DIP2C: variants seen among roughly 807,000 people sequenced by gnomAD.
DIP2C encodes disco-interacting protein 2 homolog C.
DIP2C carries 33 observed loss-of-function variants against 192.4 expected under a neutral mutation model. That is an observed-to-expected ratio of 0.17 (90% CI 0.13 to 0.23). The LOEUF (loss-of-function observed/expected upper bound fraction) is 0.23, where lower values mean the gene tolerates loss of function less well. Among genes scored for constraint, DIP2C ranks in the 10% least tolerant of loss-of-function variants. The probability of loss-of-function intolerance (pLI) is 1.00; values close to 1 mark genes in which losing one functional copy is unlikely to be tolerated. For missense variants in DIP2C, 1,537 were observed against 2,110.1 expected, an observed-to-expected ratio of 0.73 and a Z score of 5.32; for synonymous variants, 979 against 864.1, an observed-to-expected ratio of 1.13 and a Z score of -2.33.
intron 5 of DIP2C, among the ~76,000 whole-genome samples, chr10:419,512 T>G (rs1350540435): frequency 6.6e-6 from 1 of 152,194 alleles, no homozygotes; most frequent in African/African-American, 2.4e-5. Context: ...GAACCCTGTG[T>G]GTGTTCACGG....
At chr10:406,215 C>T (rs1356583908) in intron 9 of DIP2C, among the ~76,000 whole-genome samples, 1 of 152,208 alleles carries the variant, frequency 6.6e-6, no homozygotes, top group African/African-American at 2.4e-5. Context: ...TATTCCATTA[C>T]AATTAACGTT....
At chr10:592,949 C>T (rs1851488249) in intron 1 of DIP2C, among the ~76,000 whole-genome samples, 1 of 152,162 alleles carries the variant, frequency 6.6e-6, no homozygotes, top group Non-Finnish European at 1.5e-5. Context: ...CACGAGGTCA[C>T]TGTTATTTGT....
At chr10:563,433 G>C (rs947255877) in intron 1 of DIP2C, among the ~76,000 whole-genome samples, 1 of 152,154 alleles carries the variant, frequency 6.6e-6, no homozygotes, top group East Asian at 1.9e-4. Flanking sequence ...TACCAAACTA[G>C]GTGAAATGAG....
At chr10:619,517 G>GACCAA (rs541901973) in intron 1 of DIP2C, among the ~76,000 whole-genome samples, 7 of 107,064 alleles carry the variant, frequency 6.5e-5, no homozygotes, top group African/African-American at 4.5e-4. Flanking sequence ...TTTATGCCAG[G>GACCAA]GCCAGGACCA....
chr10:573,704 C>T (rs1024864324), intron 1 of DIP2C, among the ~76,000 whole-genome samples: 1 of 152,014 alleles, frequency 6.6e-6, no homozygotes, highest in Non-Finnish European at 1.5e-5. Context: ...GCCATCACGC[C>T]GGCTTTTTTT....
intron 3 of DIP2C, among the ~76,000 whole-genome samples, chr10:467,937 G>A (rs1400544802): frequency 6.6e-6 from 1 of 152,116 alleles, no homozygotes; most frequent in Non-Finnish European, 1.5e-5. Context: ...ATGTACTCCA[G>A]AACTTAAAGT....
At chr10:371,828 G>A (rs2132803609) in intron 17 of DIP2C, among the ~76,000 whole-genome samples, 1 of 152,360 alleles carries the variant, frequency 6.6e-6, no homozygotes, top group African/African-American at 2.4e-5. Flanking sequence ...CTCCAGAAGT[G>A]AGACAAGTTT....
chr10:496,488 C>G (rs1266949891), intron 1 of DIP2C, among the ~76,000 whole-genome samples: 1 of 150,554 alleles, frequency 6.6e-6, no homozygotes, highest in Non-Finnish European at 1.5e-5. Flanking sequence ...TGCACAGAAC[C>G]CACAGTGCCC....
At chr10:542,628 C>T (rs1422133206) in intron 1 of DIP2C, among the ~76,000 whole-genome samples, 1 of 152,222 alleles carries the variant, frequency 6.6e-6, no homozygotes, top group African/African-American at 2.4e-5. Flanking sequence ...TAACCCTGCC[C>T]CTCTCTATAC....
chr10:324,121 CCT>C (rs1199245063), intron 31 of DIP2C, among the ~76,000 whole-genome samples: 2 of 152,144 alleles, frequency 1.3e-5, no homozygotes, highest in Admixed American at 6.5e-5. Context: ...GGCACTCTAT[CCT>C]CTCACTGCTC....
rs1962719721 is a variant in DIP2C, at chr10:384,687, G to A, written c.1663-48C>T. On this transcript the variant is annotated intron_variant, in intron 14 of 36. Coordinates refer to ENST00000280886, the MANE Select transcript of DIP2C (RefSeq NM_014974.3). ...CAGGGTGAGCATGGAGGGGCACGCA[G>A]AGGAGCAGCTCTCACCCAGTGGCAT... 1.9e-6 allele frequency: 3 copies of A among 1,588,630 alleles called. No individual in the cohort carries two copies. In the South Asian group the frequency reaches 3.3e-5, roughly 18 times the overall value.
chr10:590,504 C>T (rs1286332722), intron 1 of DIP2C, among the ~76,000 whole-genome samples: 1 of 152,220 alleles, frequency 6.6e-6, no homozygotes, highest in African/African-American at 2.4e-5. Context: ...GGCATATCGA[C>T]ATGTTCCTTT....
chr10:419,903 C>T (rs1057032961), intron 5 of DIP2C, among the ~76,000 whole-genome samples: 16 of 152,188 alleles, frequency 1.1e-4, no homozygotes, highest in Admixed American at 9.2e-4. Flanking sequence ...TAAAGTTAAG[C>T]CGTACGTGGC....
At chr10:527,619 C>T (rs1223239920) in intron 1 of DIP2C, among the ~76,000 whole-genome samples, 2 of 152,130 alleles carry the variant, frequency 1.3e-5, no homozygotes, top group East Asian at 3.9e-4. Context: ...CAGATGCAGA[C>T]ACAGATATAA....
At chr10:655,477 A>G (rs1856226088) in intron 1 of DIP2C, among the ~76,000 whole-genome samples, 1 of 151,906 alleles carries the variant, frequency 6.6e-6, no homozygotes, top group African/African-American at 2.4e-5. Context: ...ATGTGACTCT[A>G]CTATTCCACA....
intron 9 of DIP2C, 104 bp downstream of exon 9, chr10:408,822 T>C: frequency 2.7e-6 from 3 of 1,109,938 alleles, no homozygotes; most frequent in Non-Finnish European, 3.9e-6. Context: ...TGCTTTCCAA[T>C]AGAAAGTGGA....
chr10:617,097 G>A (rs896387257), intron 1 of DIP2C, among the ~76,000 whole-genome samples: 3 of 152,246 alleles, frequency 2.0e-5, no homozygotes, highest in South Asian at 2.1e-4. Context: ...GCCCAGAGGT[G>A]CCCCCACACC....
At chr10:466,075 C>A (rs1970175700) in intron 3 of DIP2C, among the ~76,000 whole-genome samples, 1 of 148,094 alleles carries the variant, frequency 6.8e-6, no homozygotes, top group Non-Finnish European at 1.5e-5. Flanking sequence ...GAGCCCGCAT[C>A]ACCAAGTCAA....
intron 1 of DIP2C, among the ~76,000 whole-genome samples, chr10:673,286 G>A (rs978072309): frequency 2.0e-5 from 3 of 152,304 alleles, no homozygotes; most frequent in African/African-American, 7.2e-5. Flanking sequence ...CAATGCCTGC[G>A]ATGAATTCCT....
Sources: gnomAD v4.1 joint callset for allele counts (sites outside exome capture counted in the v4.1 genomes callset) on GRCh38, gnomAD v4.1.1 for gene constraint, MANE v1.5 for transcripts, NCBI Gene and HGNC (gene_info 2026-07-23, HGNC 2026-07-21) for gene names.